FSIP2: variants seen among roughly 807,000 people sequenced by gnomAD.
FSIP2 encodes the protein fibrous sheath interacting protein 2.
Under a neutral mutation model 510.5 loss-of-function variants are expected in FSIP2, and 367 were observed. The observed-to-expected ratio is 0.72, with a 90% CI of 0.66 to 0.78. FSIP2 has a LOEUF of 0.78. Ranked by LOEUF, FSIP2 falls within the 30% of genes least tolerant of loss-of-function variation. FSIP2 has a pLI of 0.00. For synonymous variants in FSIP2, 2,601 were observed against 2,732.2 expected (o/e 0.95, Z 1.50); for missense variants, 7,594 against 7,901.7 (o/e 0.96, Z 1.48).
chr2:185,753,728 G>C lies in FSIP2; in HGVS notation c.877G>C (p.Asp293His), dbSNP rs1692190732. Residue 293 changes from aspartate to histidine, a missense_variant, in exon 8 of 23, where the codon GAT (aspartate) becomes CAT (histidine). By Grantham distance (81) the Asp-to-His change is moderately conservative. Coordinates refer to ENST00000424728, the MANE Select transcript of FSIP2 (RefSeq NM_173651.4). Reference sequence around the variant, plus strand: ...ATTTTCTTTAATATTGTAGAAACAAGATCTTCTAGAGAAAAAAATGGCTTA... The same window carrying C: ...ATTTTCTTTAATATTGTAGAAACAACATCTTCTAGAGAAAAAAATGGCTTA... ...NREESDRKKQ[D>H]LLEKKMAYHL... The C allele has an allele frequency of 8.5e-7, 1 of 1,176,898 alleles. No individual in the cohort carries two copies. Among genetic ancestry groups the C allele is most frequent in the Admixed American group, 2.5e-5 (1 of 39,876 alleles). The allele number at this position is 1,176,898 out of a possible 1,614,324, so 72.9% of individuals were successfully genotyped here.
intron 14 of FSIP2, chr2:185,784,109 T>C (rs929578481): frequency 3.9e-5 from 6 of 152,182 alleles, no homozygotes; most frequent in Admixed American, 3.9e-4. Context: ...CTTTTCTCAC[T>C]TATTGCTTAG....
At chr2:185,810,494 A>G (rs1424878357) in intron 17 of FSIP2, among the ~76,000 whole-genome samples, 2 of 144,340 alleles carry the variant, frequency 1.4e-5, no homozygotes, top group African/African-American at 2.6e-5. Flanking sequence ...AGATGCCACT[A>G]TGCTTCCTGT....
intron 13 of FSIP2, among the ~76,000 whole-genome samples, chr2:185,767,421 T>C (rs1396214746): frequency 6.6e-6 from 1 of 152,292 alleles, no homozygotes; most frequent in South Asian, 2.1e-4. Flanking sequence ...GTACATTAGA[T>C]CTTCCACACT....
rs750073506 is a variant in FSIP2, at chr2:185,790,921, A to G, written c.3785A>G (p.Lys1262Arg). 29 of 1,525,314 alleles carry G rather than the reference A, an allele frequency of 1.9e-5. No homozygotes were observed. The South Asian group carries it at 2.8e-4, about 15-fold the overall frequency. 94.5% of individuals were successfully genotyped at this position (1,525,314 alleles called of 1,614,324 possible). The change falls in exon 16 of 23, where the codon AAG becomes AGG. Residue 1262 changes from lysine (K) to arginine (R), a missense_variant. Transcript: ENST00000424728. ...AAACCTGTAGATGACATTAATGATA[A>G]GATCATTCGTACAATTTTTAAAAGA... Reference protein sequence around the residue: ...EPKPVDDINDKIIRTIFKRLK... With the variant: ...EPKPVDDINDRIIRTIFKRLK...
Position 185,807,164 on chromosome 2 carries a change from T to C in FSIP2, c.17858T>C (p.Val5953Ala). 1.2e-6 allele frequency: 2 copies of C among 1,602,544 alleles called. No individual in the cohort carries two copies. Among genetic ancestry groups the C allele is most frequent in the Non-Finnish European group, 1.7e-6 (2 of 1,176,076 alleles). ...ENLARRLTSA[V>A]INEIFQRQVN... ...TTAGCAAGAAGACTAACTAGTGCAG[T>C]GATAAATGAAATTTTCCAACGTCAG... is the stretch of plus-strand genomic sequence containing the variant. The change falls in exon 17 of 23, where the codon GTG becomes GCG. Residue 5953 changes from valine (V) to alanine (A), a missense_variant. Transcript: ENST00000424728.
chr2:185,799,106 AC>A (rs1693364886), intron 16 of FSIP2, among the ~76,000 whole-genome samples: 1 of 151,890 alleles, frequency 6.6e-6, no homozygotes, highest in African/African-American at 2.4e-5. Flanking sequence ...TTTGGACAAA[AC>A]AAATATAGAG....
rs1447014154 is a variant in FSIP2 at position 185,743,260 on chromosome 2, TAAAG to T, written c.358_361del (p.Lys120ValfsTer14). ...AAGCGCAAAGATATTTTGAAGAGAT[TAAAG>T]AAAGGTGGCTACATCACCAGCAATA... is the stretch of plus-strand genomic sequence containing the variant. On this transcript the variant is annotated frameshift_variant, in exon 3 of 23. Coordinates refer to ENST00000424728, the MANE Select transcript of FSIP2 (RefSeq NM_173651.4). LOFTEE classifies it high-confidence loss of function. The T allele has an allele frequency of 6.6e-7, 1 of 1,508,202 alleles. No individual in the cohort carries two copies. The highest frequency in any genetic ancestry group is 8.8e-7 in the Non-Finnish European group (1 of 1,138,018). 93.4% of individuals were successfully genotyped at this position (1,508,202 alleles called of 1,614,324 possible). A position where few individuals can be genotyped will look rare whatever the true frequency, so the allele number is the denominator to read the frequency against.
chr2:185,765,662 T>C (rs1692457700), intron 13 of FSIP2: 1 of 151,994 alleles, frequency 6.6e-6, no homozygotes, highest in African/African-American at 2.4e-5. Context: ...TTAAAGTAGT[T>C]TTTTCCAATT....
Position 185,789,112 on chromosome 2 carries a change from A to T in FSIP2, c.1976A>T (p.Lys659Ile). 1 of 1,535,192 alleles carries T rather than the reference A, an allele frequency of 6.5e-7. No homozygotes were observed. Among genetic ancestry groups the T allele is most frequent in the Non-Finnish European group, 8.7e-7 (1 of 1,146,084 alleles). Residue 659 changes from lysine (K) to isoleucine (I), a missense_variant, in exon 16 of 23, where the codon AAA becomes ATA. Coordinates refer to ENST00000424728, the MANE Select transcript of FSIP2 (RefSeq NM_173651.4). ...GCATCATTTGAAACAGGCACAAAAA[A>T]ATCTAAGGATGCTACCACTGAAACA... ...LLASFETGTK[K>I]SKDATTETDS... is the part of the protein sequence containing the mutation.
intron 16 of FSIP2, 61 bp downstream of exon 16, chr2:185,797,587 C>T: frequency 6.9e-7 from 1 of 1,449,164 alleles, no homozygotes; most frequent in South Asian, 1.4e-5. Context: ...CAGTAAAAGA[C>T]ATGTTTAAAA....
rs1232614425 is a variant in FSIP2 at position 185,782,751 on chromosome 2, T to TCCC, written c.1458_1459insCCC (p.Val486_Tyr487insPro). Reference sequence around the variant, plus strand: ...ACCCGGGTATATTTTCTTCTCCTGTTTACACAAATATGTAAGTACCTAAGG... The same window carrying TCCC: ...ACCCGGGTATATTTTCTTCTCCTGTTCCCTACACAAATATGTAAGTACCTAAGG... On this transcript the variant is annotated inframe_insertion, in exon 14 of 23. Transcript: ENST00000424728. 2 of 1,489,020 alleles carry TCCC rather than the reference T, an allele frequency of 1.3e-6. No individual in the cohort carries two copies. The highest frequency in any genetic ancestry group is 1.8e-6 in the Non-Finnish European group (2 of 1,104,226). The allele number at this position is 1,489,020 out of a possible 1,614,324, so 92.2% of individuals were successfully genotyped here.
At position 185,795,823 on chromosome 2, in the gene FSIP2, A is replaced by C. The variant is rs969315793; in HGVS notation, c.8687A>C (p.Tyr2896Ser). The part of the protein sequence containing the change: ...PPLENCESRF[Y>S]NHFKGASTRA... ...CTTGAGAATTGTGAAAGCAGGTTTT[A>C]TAATCATTTTAAAGGAGCTTCTACT... Residue 2896 changes from tyrosine (Y) to serine (S), a missense_variant, in exon 16 of 23, where the codon TAT becomes TCT. Tyr to Ser is a moderately radical substitution (Grantham distance 144). Coordinates refer to ENST00000424728, the MANE Select transcript of FSIP2 (RefSeq NM_173651.4). 1.3e-6 allele frequency: 2 copies of C among 1,533,860 alleles called. No homozygotes were observed. The highest frequency in any genetic ancestry group is 2.7e-5 in the African/African-American group (2 of 72,842).
chr2:185,788,678 T>A lies in FSIP2; in HGVS notation c.1542T>A (p.Asn514Lys). The A allele has an allele frequency of 6.6e-7, 1 of 1,521,254 alleles. No individual in the cohort carries two copies. The highest frequency in any genetic ancestry group is 8.8e-7 in the Non-Finnish European group (1 of 1,141,262). The allele number at this position is 1,521,254 out of a possible 1,614,324, so 94.2% of individuals were successfully genotyped here. A position where few individuals can be genotyped will look rare whatever the true frequency, so the allele number is the denominator to read the frequency against. ...AAGAACTGAATATTATAATTCAGAA[T>A]GTAATGACCTGGGTTGTGGCTACAG... is the stretch of plus-strand genomic sequence containing the variant. ...TSEELNIIIQ[N>K]VMTWVVATVT... is the part of the protein sequence containing the mutation. The change falls in exon 16 of 23, where the codon AAT becomes AAA. Residue 514 changes from asparagine (N) to lysine (K), a missense_variant. Coordinates refer to ENST00000424728, the MANE Select transcript of FSIP2 (RefSeq NM_173651.4).
intron 8 of FSIP2, among the ~76,000 whole-genome samples, chr2:185,754,852 C>T (rs565279048): frequency 6.6e-6 from 1 of 151,518 alleles, no homozygotes; most frequent in East Asian, 1.9e-4. Context: ...ATTTAACCTC[C>T]CTAAGCCAGT....
chr2:185,788,424 C>T (rs1004594963), intron 15 of FSIP2, among the ~76,000 whole-genome samples: 1 of 151,368 alleles, frequency 6.6e-6, no homozygotes, highest in Non-Finnish European at 1.5e-5. Context: ...ATAAATCTTA[C>T]ACAAAAAAAC....
At chr2:185,754,077 T>A (rs1035871073) in intron 8 of FSIP2, among the ~76,000 whole-genome samples, 1 of 151,488 alleles carries the variant, frequency 6.6e-6, no homozygotes, top group Non-Finnish European at 1.5e-5. Flanking sequence ...GTACTGCATT[T>A]GTAACCAACC....
chr2:185,746,911 A>C (rs962448839), intron 6 of FSIP2, 101 bp downstream of exon 6: 1 of 808,936 alleles, frequency 1.2e-6, no homozygotes, highest in Non-Finnish European at 1.8e-6. Flanking sequence ...AAGTCATTTC[A>C]GTTCAAAATA....
In FSIP2 at chr2:185,801,035, A is replaced by G; in HGVS notation, c.11729A>G (p.Asn3910Ser). 1 of 1,532,230 alleles carries G rather than the reference A, an allele frequency of 6.5e-7. No individual in the cohort carries two copies. 94.9% of individuals were successfully genotyped at this position (1,532,230 alleles called of 1,614,324 possible). A position where few individuals can be genotyped will look rare whatever the true frequency, so the allele number is the denominator to read the frequency against. The change falls in exon 17 of 23, where the codon AAT (asparagine) becomes AGT (serine). Residue 3910 changes from asparagine to serine, a missense_variant. Coordinates refer to ENST00000424728, the MANE Select transcript of FSIP2 (RefSeq NM_173651.4). ...TTAGAACTCAGGAGCTATGATAGTA[A>G]TTCTTTGACAGTATCCCTGAATAAT... is the stretch of plus-strand genomic sequence containing the variant. ...SSLELRSYDSNSLTVSLNNPS... is the reference protein window; with the variant it reads ...SSLELRSYDSSSLTVSLNNPS...
intron 7 of FSIP2, among the ~76,000 whole-genome samples, chr2:185,750,899 ATCTT>A (rs912388405): frequency 6.6e-6 from 1 of 151,546 alleles, no homozygotes; most frequent in Non-Finnish European, 1.5e-5. Context: ...TGTGTCCAAG[ATCTT>A]TCTGTTATTG....
Sources: gnomAD v4.1 joint callset for allele counts (sites outside exome capture counted in the v4.1 genomes callset) on GRCh38, gnomAD v4.1.1 for gene constraint, MANE v1.5 for transcripts, NCBI Gene and HGNC (gene_info 2026-07-23, HGNC 2026-07-21) for gene names.